Variants in CNOT6 observed in about 807,000 individuals in gnomAD.
CNOT6 encodes the protein CCR4-NOT transcription complex subunit 6, also known as carbon catabolite repression 4 protein.
Under a neutral mutation model 61.2 loss-of-function variants are expected in CNOT6, and 12 were observed. That is an observed-to-expected ratio of 0.20 (90% CI 0.13 to 0.32). The LOEUF (loss-of-function observed/expected upper bound fraction) is 0.32. Among genes scored for constraint, CNOT6 ranks in the 10% least tolerant of loss-of-function variants. CNOT6 has a pLI of 1.00. For synonymous variants in CNOT6, 225 were observed against 240.6 expected (o/e 0.94, Z 0.60); for missense variants, 405 against 663.9 (o/e 0.61, Z 4.28).
At chr5:180,522,647 C>T (rs1757927770) in intron 1 of CNOT6, among the ~76,000 whole-genome samples, 1 of 151,806 alleles carries the variant, frequency 6.6e-6, no homozygotes. Context: ...TGTTTGTTGG[C>T]TGCTTGTATG....
chr5:180,556,429 C>A (rs1342315209), intron 4 of CNOT6, among the ~76,000 whole-genome samples: 1 of 152,158 alleles, frequency 6.6e-6, no homozygotes, highest in African/African-American at 2.4e-5. Context: ...GTTTTCACCA[C>A]AAATAAGTAT....
chr5:180,570,245 C>T (rs970896758), intron 10 of CNOT6, among the ~76,000 whole-genome samples: 1 of 152,168 alleles, frequency 6.6e-6, no homozygotes, highest in African/African-American at 2.4e-5. Context: ...GTAATCCCAG[C>T]TACTCGGGAG....
At chr5:180,559,950 ATTT>A (rs528723433) in intron 4 of CNOT6, among the ~76,000 whole-genome samples, 1 of 141,550 alleles carries the variant, frequency 7.1e-6, no homozygotes. Context: ...TAGTTTTATG[ATTT>A]TTTTTTTTTT....
chr5:180,574,180 C>T lies in CNOT6; in HGVS notation c.1654C>T (p.His552Tyr). 4 of 1,613,608 alleles carry T rather than the reference C, an allele frequency of 2.5e-6. 1 individual carries two copies. In the South Asian group the frequency reaches 3.3e-5, roughly 13 times the overall value. ...TTTCCTGCCCCAAGTCAACGGCATCCACCTTCCTGGCAGGAGGTAGTCAAG... is the reference window on the plus strand; with the variant it reads ...TTTCCTGCCCCAAGTCAACGGCATCTACCTTCCTGGCAGGAGGTAGTCAAG... ...LPFLPQVNGI[H>Y]LPGRR The change falls in exon 12 of 12, where the codon CAC becomes TAC. Residue 552 changes from histidine (H) to tyrosine (Y), a missense_variant. Physicochemically the swap from His to Tyr is moderately conservative, Grantham distance 83. Transcript: ENST00000261951.
rs1760423948 is a variant in CNOT6, at chr5:180,565,872, G to A, written c.612G>A (p.Arg204=). ...YNVLCDKYAT[R]QLYGYCPSWA... ...TTCTTTGTGATAAATATGCGACCCG[G>A]CAGTTATACGGCTACTGTCCATCAT... Residue 204 remains arginine, a synonymous_variant, in exon 7 of 12, where the codon CGG becomes CGA. Transcript: ENST00000261951. 1 of 1,613,294 alleles carries A rather than the reference G, an allele frequency of 6.2e-7. No homozygotes were observed. The highest frequency in any genetic ancestry group is 1.7e-5 in the Admixed American group (1 of 59,980).
chr5:180,567,207 T>A lies in CNOT6; in HGVS notation c.837T>A (p.His279Gln). Reference protein sequence around the residue: ...ARTMSEQERKHVDGCAIFFKT... With the variant: ...ARTMSEQERKQVDGCAIFFKT... ...CAATGTCAGAACAAGAAAGGAAACATGTTGATGGCTGTGCAATATTCTTCA... is the reference window on the plus strand; with the variant it reads ...CAATGTCAGAACAAGAAAGGAAACAAGTTGATGGCTGTGCAATATTCTTCA... The change falls in exon 8 of 12, where the codon CAT (histidine) becomes CAA (glutamine). Residue 279 changes from histidine to glutamine, a missense_variant. Around this residue, in one of 5 missense-constraint regions of CNOT6, gnomAD observed 24 missense variants for 85.2 expected, o/e 0.28. Transcript: ENST00000261951. 6.2e-7 allele frequency: 1 copy of A among 1,610,898 alleles called. No homozygotes were observed. The highest frequency in any genetic ancestry group is 1.1e-5 in the South Asian group (1 of 90,226).
intron 1 of CNOT6, among the ~76,000 whole-genome samples, chr5:180,498,417 T>C (rs895965931): frequency 6.6e-5 from 10 of 152,216 alleles, no homozygotes; most frequent in African/African-American, 2.4e-4. Context: ...ATTAAACTTG[T>C]GGAGGGTGTG....
intron 4 of CNOT6, among the ~76,000 whole-genome samples, chr5:180,558,154 C>T (rs772673810): frequency 6.6e-6 from 1 of 152,250 alleles, no homozygotes; most frequent in South Asian, 2.1e-4. Context: ...TACAGCTGTG[C>T]GTGGCCACAG....
intron 2 of CNOT6, among the ~76,000 whole-genome samples, chr5:180,549,626 GC>G (rs1435541071): frequency 1.3e-5 from 2 of 151,914 alleles, no homozygotes; most frequent in African/African-American, 4.8e-5. Context: ...TCCAGCCTGG[GC>G]AACAGAGCGA....
chr5:180,518,011 TCTCTCCTC>T (rs1290730878), intron 1 of CNOT6, among the ~76,000 whole-genome samples: 84 of 47,720 alleles, frequency 1.8e-3, no homozygotes, highest in Middle Eastern at 0.026. Flanking sequence ...CATCTCCCCC[TCTCTCCTC>T]GTCTTGATTA....
At chr5:180,564,197 A>G (rs972478471) in intron 4 of CNOT6, among the ~76,000 whole-genome samples, 4 of 152,142 alleles carry the variant, frequency 2.6e-5, no homozygotes, top group African/African-American at 9.7e-5. Context: ...TGTTTGTTAT[A>G]ACCATCTGTA....
chr5:180,558,509 T>A (rs1284575310), intron 4 of CNOT6, among the ~76,000 whole-genome samples: 1 of 89,314 alleles, frequency 1.1e-5, no homozygotes. Flanking sequence ...CAGAAACACC[T>A]TAAAAAAAAA....
At chr5:180,506,402 G>C (rs1008766368) in intron 1 of CNOT6, among the ~76,000 whole-genome samples, 6 of 152,196 alleles carry the variant, frequency 3.9e-5, no homozygotes, top group Non-Finnish European at 8.8e-5. Context: ...TTTATGTAAA[G>C]ATTATAATAG....
chr5:180,526,883 CTTT>C (rs11366709), intron 1 of CNOT6, among the ~76,000 whole-genome samples: 24 of 138,374 alleles, frequency 1.7e-4, no homozygotes, highest in Non-Finnish European at 2.2e-4. Flanking sequence ...AACCGTAAAA[CTTT>C]TTTTTTTTTT....
intron 2 of CNOT6, among the ~76,000 whole-genome samples, chr5:180,538,685 G>GATATATATATATAT (rs1758843740): frequency 5.9e-5 from 5 of 84,244 alleles, no homozygotes; most frequent in Non-Finnish European, 8.9e-5. Context: ...CTGAGAAAAA[G>GATATATATATATAT]GTATATATAT....
intron 1 of CNOT6, among the ~76,000 whole-genome samples, chr5:180,507,461 G>T (rs1187524669): frequency 6.6e-6 from 1 of 152,078 alleles, no homozygotes; most frequent in African/African-American, 2.4e-5. Flanking sequence ...AATTAGCCAG[G>T]CGTGGTGGTG....
At chr5:180,554,708 T>G (rs1581550891) in intron 4 of CNOT6, among the ~76,000 whole-genome samples, 2 of 152,266 alleles carry the variant, frequency 1.3e-5, no homozygotes, top group African/African-American at 4.8e-5. Flanking sequence ...TCTAGCTGTT[T>G]CTAAATTTGA....
intron 2 of CNOT6, among the ~76,000 whole-genome samples, chr5:180,544,072 A>G (rs990683713): frequency 2.0e-5 from 3 of 152,142 alleles, no homozygotes; most frequent in African/African-American, 7.2e-5. Context: ...CGACCTCCCA[A>G]AGTGCTGGGA....
intron 1 of CNOT6, among the ~76,000 whole-genome samples, chr5:180,517,285 T>C (rs1003123962): frequency 6.6e-6 from 1 of 152,118 alleles, no homozygotes; most frequent in African/African-American, 2.4e-5. Context: ...TGTACCACCA[T>C]GCCCAGCTAA....
Sources: allele counts gnomAD v4.1 joint callset (sites outside exome capture counted in the v4.1 genomes callset), GRCh38; gene constraint gnomAD v4.1.1; regional missense constraint gnomAD v4.1.1; transcripts MANE v1.5; gene names NCBI Gene and HGNC (gene_info 2026-07-23, HGNC 2026-07-21).